The following GRIN2A variants were observed in gnomAD, a reference collection of about 807,000 sequenced individuals.
GRIN2A encodes the protein glutamate ionotropic receptor NMDA type subunit 2A.
A neutral mutation model predicts 113.4 loss-of-function variants in GRIN2A; 22 were observed. The observed-to-expected ratio is 0.19, with a 90% CI of 0.14 to 0.28. The LOEUF (loss-of-function observed/expected upper bound fraction) is 0.28. Among genes scored for constraint, GRIN2A ranks in the 10% least tolerant of loss-of-function variants. GRIN2A has a pLI of 1.00. For missense variants in GRIN2A, 1,502 were observed against 1,887.0 expected (o/e 0.80, Z 3.78); for synonymous variants, 827 against 738.4 (o/e 1.12, Z -1.94).
intron 2 of GRIN2A, chr16:10,112,411 C>G: frequency 1.4e-6 from 1 of 720,574 alleles, no homozygotes; most frequent in African/African-American, 1.7e-5. Flanking sequence ...CCCCAGGGCA[C>G]TGCTGTGTAC....
intron 8 of GRIN2A, among the ~76,000 whole-genome samples, chr16:9,831,403 G>A (rs371632550): frequency 1.3e-5 from 2 of 151,444 alleles, no homozygotes; most frequent in Middle Eastern, 3.2e-3. Context: ...CCCCGTCCCC[G>A]CTTCCAACTG....
chr16:10,107,716 G>C (rs977583143), intron 2 of GRIN2A, among the ~76,000 whole-genome samples: 1 of 152,240 alleles, frequency 6.6e-6, no homozygotes, highest in African/African-American at 2.4e-5. Flanking sequence ...CAGCTCACCT[G>C]AGACAAGCAA....
intron 4 of GRIN2A, among the ~76,000 whole-genome samples, chr16:9,856,517 T>C (rs6497549): frequency 0.75 from 112,830 of 150,780 alleles, 43,323 homozygotes; most frequent in African/African-American, 0.9. Flanking sequence ...CCCAGCTACT[T>C]GGGAGGCTGA....
chr16:9,900,111 G>A (rs558525834), intron 3 of GRIN2A, among the ~76,000 whole-genome samples: 2 of 152,196 alleles, frequency 1.3e-5, no homozygotes, highest in Non-Finnish European at 2.9e-5. Flanking sequence ...ACTATGGTAG[G>A]GGTAGCAGTA....
intron 2 of GRIN2A, among the ~76,000 whole-genome samples, chr16:10,131,471 A>ATT (rs34673023): frequency 8.8e-4 from 127 of 144,352 alleles, no homozygotes; most frequent in East Asian, 2.4e-3. Flanking sequence ...CACTTATCCC[A>ATT]TTTTTTTTTT....
chr16:9,875,443 G>A (rs1285277194), intron 4 of GRIN2A, among the ~76,000 whole-genome samples: 3 of 152,186 alleles, frequency 2.0e-5, no homozygotes, highest in African/African-American at 7.2e-5. Context: ...TGGCACAGAT[G>A]AGGAAACCAA....
chr16:9,898,804 T>G (rs2141507930), intron 3 of GRIN2A, among the ~76,000 whole-genome samples: 1 of 151,986 alleles, frequency 6.6e-6, no homozygotes, highest in South Asian at 2.1e-4. Flanking sequence ...TTTTTTTGTT[T>G]TTTTTTTTTC....
At position 9,825,119 on chromosome 16, in the gene GRIN2A, T is replaced by C. The variant is rs538880569; in HGVS notation, c.2008-2695A>G. On this transcript the variant is annotated intron_variant, in intron 9 of 12. Transcript: ENST00000330684. ...AACTCCCCTGGCTTCTCTGCAGGGT[T>C]CCCTTGCTGTGTAGGTTAACTGGTT... Among the ~76,000 whole-genome samples the C allele has an allele frequency of 4.5e-4, 68 of 152,334 alleles. 1 individual carries two copies. The South Asian group carries it at 0.012, about 28-fold the overall frequency.
At chr16:10,034,865 A>T (rs1452012065) in intron 2 of GRIN2A, among the ~76,000 whole-genome samples, 1 of 152,204 alleles carries the variant, frequency 6.6e-6, no homozygotes, top group Non-Finnish European at 1.5e-5. Context: ...CAGTCCTAAT[A>T]GGTCAGCTAA....
chr16:9,909,527 T>C (rs1441823960), intron 3 of GRIN2A, among the ~76,000 whole-genome samples: 6 of 152,242 alleles, frequency 3.9e-5, no homozygotes, highest in Non-Finnish European at 7.3e-5. Flanking sequence ...TTCCATTTTA[T>C]TTTACTTAAT....
At chr16:9,851,830 G>A (rs2042887538) in intron 4 of GRIN2A, among the ~76,000 whole-genome samples, 8 of 152,174 alleles carry the variant, frequency 5.3e-5, no homozygotes, top group Admixed American at 5.2e-4. Flanking sequence ...ACTGCAGTAA[G>A]GTTTGAATGA....
chr16:9,979,818 T>TATATATATATATATATAC (rs1567213718), intron 2 of GRIN2A, among the ~76,000 whole-genome samples: 4 of 134,370 alleles, frequency 3.0e-5, no homozygotes, highest in Admixed American at 7.5e-5. Context: ...TATATGTATA[T>TATATATATATATATATAC]GTATGTATTT....
chr16:9,997,583 T>A (rs536446405), intron 2 of GRIN2A, among the ~76,000 whole-genome samples: 1 of 152,318 alleles, frequency 6.6e-6, no homozygotes, highest in East Asian at 1.9e-4. Context: ...ACATCGACCA[T>A]TCTTGTGTTA....
At chr16:9,805,819 C>G (rs928126576) in intron 10 of GRIN2A, among the ~76,000 whole-genome samples, 6 of 152,102 alleles carry the variant, frequency 3.9e-5, no homozygotes, top group African/African-American at 1.4e-4. Flanking sequence ...GGGTACCCAT[C>G]GGGGAAGGGC....
chr16:10,039,808 G>GGGGAGAGAGAGAGAGA (rs1555469298), intron 2 of GRIN2A, among the ~76,000 whole-genome samples: 1 of 63,812 alleles, frequency 1.6e-5, no homozygotes, highest in Non-Finnish European at 2.9e-5. Context: ...GGGAGGGGGG[G>GGGGAGAGAGAGAGAGA]GAGAAAGAGA....
chr16:9,859,556 C>A (rs142004641), intron 4 of GRIN2A, among the ~76,000 whole-genome samples: 1 of 151,546 alleles, frequency 6.6e-6, no homozygotes, highest in Non-Finnish European at 1.5e-5. Flanking sequence ...CACACCCACA[C>A]GTACAACTAC....
At chr16:9,914,854 T>A (rs879490971) in intron 3 of GRIN2A, among the ~76,000 whole-genome samples, 1 of 135,500 alleles carries the variant, frequency 7.4e-6, no homozygotes, top group Non-Finnish European at 1.5e-5. Flanking sequence ...ATTCCCCACA[T>A]GTGGGAAGGG....
Position 10,111,951 on chromosome 16 carries a change from A to G in GRIN2A, c.414+68047T>C, listed in dbSNP as rs186595673. ...GGATCAAGCTGATGGTGGCTCCAGC[A>G]GGCATGACATTGAAACAGGCAAATG... On this transcript the variant is annotated intron_variant, in intron 2 of 12. Coordinates refer to ENST00000330684, the MANE Select transcript of GRIN2A (RefSeq NM_001134407.3). 45 of 732,182 alleles carry G rather than the reference A, an allele frequency of 6.1e-5. No homozygotes were observed. In the East Asian group the frequency reaches 1.1e-3, roughly 18 times the overall value. The allele number at this position is 732,182 out of a possible 1,614,324, so 45.4% of individuals were successfully genotyped here.
At chr16:9,887,301 A>G (rs1385806541) in intron 4 of GRIN2A, among the ~76,000 whole-genome samples, 1 of 152,058 alleles carries the variant, frequency 6.6e-6, no homozygotes, top group Non-Finnish European at 1.5e-5. Flanking sequence ...AACTGCCATC[A>G]CTCCAGAAAA....
Sources: allele counts gnomAD v4.1 joint callset (sites outside exome capture counted in the v4.1 genomes callset), GRCh38; gene constraint gnomAD v4.1.1; transcripts MANE v1.5; gene names NCBI Gene and HGNC (gene_info 2026-07-23, HGNC 2026-07-21).